The following ZHX3 variants were observed in gnomAD, a reference collection of about 807,000 sequenced individuals.
ZHX3 encodes zinc fingers and homeoboxes protein 3.
Under a neutral mutation model 64.5 loss-of-function variants are expected in ZHX3, and 20 were observed. That is an observed-to-expected ratio of 0.31 (90% CI 0.22 to 0.45). ZHX3 has a LOEUF of 0.45. Ranked by LOEUF, ZHX3 falls within the 20% of genes least tolerant of loss-of-function variation. The probability of loss-of-function intolerance (pLI) is 1.00; values close to 1 mark genes in which losing one functional copy is unlikely to be tolerated. For synonymous variants in ZHX3, 423 were observed against 461.6 expected (o/e 0.92, Z 1.07); for missense variants, 1,041 against 1,195.8 (o/e 0.87, Z 1.91).
intron 1 of ZHX3, among the ~76,000 whole-genome samples, chr20:41,316,335 T>A (rs1472612255): frequency 2.0e-5 from 3 of 152,196 alleles, no homozygotes; most frequent in Non-Finnish European, 2.9e-5. Context: ...CAAATTAAGC[T>A]CGAATAAGTT....
At chr20:41,296,023 GATA>G (rs1237103973) in intron 1 of ZHX3, among the ~76,000 whole-genome samples, 6 of 152,034 alleles carry the variant, frequency 3.9e-5, no homozygotes, top group Admixed American at 1.3e-4. Flanking sequence ...AAAAAGTAAA[GATA>G]ATGAGATTCA....
chr20:41,221,054 C>T (rs910881638), intron 2 of ZHX3, among the ~76,000 whole-genome samples: 1 of 152,148 alleles, frequency 6.6e-6, no homozygotes, highest in Admixed American at 6.6e-5. Flanking sequence ...TAAAAGTCTT[C>T]TTTTCCCCTA....
intron 1 of ZHX3, among the ~76,000 whole-genome samples, chr20:41,304,075 T>C (rs1413225766): frequency 6.6e-6 from 1 of 152,186 alleles, no homozygotes; most frequent in Non-Finnish European, 1.5e-5. Context: ...CCCACCTTCT[T>C]GAAATTATCC....
intron 1 of ZHX3, among the ~76,000 whole-genome samples, chr20:41,276,503 G>C (rs891192165): frequency 1.3e-5 from 2 of 152,202 alleles, no homozygotes; most frequent in Admixed American, 1.3e-4. Flanking sequence ...CAATGTGGTA[G>C]TAGCTCTCTG....
intron 3 of ZHX3, among the ~76,000 whole-genome samples, chr20:41,192,259 C>T (rs1257774239): frequency 1.3e-5 from 2 of 152,154 alleles, no homozygotes; most frequent in African/African-American, 4.8e-5. Flanking sequence ...TGGTGGTGGA[C>T]TAGGCTGGAC....
At chr20:41,316,856 A>T (rs2045302587) in intron 1 of ZHX3, 1 of 152,064 alleles carries the variant, frequency 6.6e-6, no homozygotes. Context: ...TCCAAACTCC[A>T]CTCACACGCC....
intron 2 of ZHX3, among the ~76,000 whole-genome samples, chr20:41,233,165 A>G (rs2040739166): frequency 6.6e-6 from 1 of 152,224 alleles, no homozygotes; most frequent in Admixed American, 6.5e-5. Context: ...ATGACCATGC[A>G]ATGCTGAGAC....
Position 41,253,372 on chromosome 20 carries a change from A to T in ZHX3, c.-151+15618T>A, listed in dbSNP as rs186111406. Among the ~76,000 whole-genome samples, 255 of 152,304 alleles carry T rather than the reference A, an allele frequency of 1.7e-3. 1 individual carries two copies. Among genetic ancestry groups the T allele is most frequent in the African/African-American group, 5.8e-3 (240 of 41,550 alleles). On this transcript the variant is annotated intron_variant, in intron 2 of 3. Transcript: ENST00000683867. The stretch of plus-strand genomic sequence containing the variant: ...GTATATCTTTTGTGAGGACTGAATA[A>T]TGTATCACTTATAAAAGTTCCAGGT...
intron 1 of ZHX3, among the ~76,000 whole-genome samples, chr20:41,275,714 A>T (rs2043348037): frequency 6.6e-6 from 1 of 152,178 alleles, no homozygotes; most frequent in Admixed American, 6.5e-5. Context: ...GATGGAGAGG[A>T]CTTCCTATTC....
Position 41,185,520 on chromosome 20 carries a change from C to T in ZHX3, c.2861-319G>A, listed in dbSNP as rs548936046. The T allele has an allele frequency of 7.9e-6, 4 of 507,260 alleles. No homozygotes were observed. The highest frequency in any genetic ancestry group is 7.6e-5 in the African/African-American group (4 of 52,452). The allele number at this position is 507,260 out of a possible 1,614,324, so 31.4% of individuals were successfully genotyped here. On this transcript the variant is annotated intron_variant, in intron 3 of 3. Transcript: ENST00000683867. This position sits in a 1 kb window ranked among gnomAD's most constrained non-coding sequence, Gnocchi z 5.0. ...CCCCTAGCTCCCCAGGCTTCCGCCA[C>T]CACCGTCTCTGGAGTCCTGTCCTAA...
At chr20:41,294,955 C>T (rs1251851068) in intron 1 of ZHX3, among the ~76,000 whole-genome samples, 1 of 152,214 alleles carries the variant, frequency 6.6e-6, no homozygotes, top group Non-Finnish European at 1.5e-5. Context: ...CCTCGGCCTC[C>T]CAAAGCGCTG....
intron 1 of ZHX3, among the ~76,000 whole-genome samples, chr20:41,313,699 G>A (rs1268054156): frequency 3.5e-5 from 5 of 143,280 alleles, no homozygotes; most frequent in African/African-American, 5.2e-5. Flanking sequence ...CTGGGTTCAC[G>A]CCATTCTCCT....
chr20:41,266,089 T>C (rs982216674), intron 2 of ZHX3, among the ~76,000 whole-genome samples: 2 of 152,216 alleles, frequency 1.3e-5, no homozygotes, highest in African/African-American at 4.8e-5. Flanking sequence ...CATACCTGTA[T>C]GAGGTCATAT....
chr20:41,263,497 C>CA (rs1194019739), intron 2 of ZHX3, among the ~76,000 whole-genome samples: 2 of 151,214 alleles, frequency 1.3e-5, no homozygotes, highest in Non-Finnish European at 2.9e-5. Flanking sequence ...CGGGTTCAAG[C>CA]AATTCTCCTG....
At position 41,188,075 on chromosome 20, in the gene ZHX3, T is replaced by C. The variant is rs57932195; in HGVS notation, c.2861-2874A>G. 4.4e-3 allele frequency among the ~76,000 whole-genome samples: 669 copies of C among 152,306 alleles called. 8 individuals are homozygous for C. Among genetic ancestry groups the C allele is most frequent in the East Asian group, 0.023 (117 of 5,182 alleles). On this transcript the variant is annotated intron_variant, in intron 3 of 3. Transcript: ENST00000683867. ...ACCTCTTTTCATTTCCCCCTTCTAC[T>C]CTCACACCCTTCCCAACCTGTGCTA...
At chr20:41,249,601 G>A (rs1268392627) in intron 2 of ZHX3, among the ~76,000 whole-genome samples, 1 of 152,164 alleles carries the variant, frequency 6.6e-6, no homozygotes, top group Non-Finnish European at 1.5e-5. Context: ...AGGTCGTTGG[G>A]AGGCCTCCTT....
intron 2 of ZHX3, among the ~76,000 whole-genome samples, chr20:41,229,410 A>G (rs2040461658): frequency 6.6e-6 from 1 of 152,158 alleles, no homozygotes; most frequent in African/African-American, 2.4e-5. Context: ...TCTTCTGGGT[A>G]ACTACCCAGA....
chr20:41,202,759 G>A lies in ZHX3; in HGVS notation c.2158C>T (p.Arg720Cys), dbSNP rs745922794. Residue 720 changes from arginine (R) to cysteine (C), a missense_variant, in exon 3 of 4, where the codon CGC becomes TGC. Transcript: ENST00000683867. The surrounding 1 kb of genome is among the most constrained non-coding windows in gnomAD (Gnocchi z 7.0). The part of the protein sequence containing the change: ...EMPSSHILAE[R>C]KVSPIKINLK... Reference sequence around the variant, plus strand: ...TTGATTTTAATGGGGCTGACTTTGCGCTCTGCCAAGATATGGCTGCTGGGC... The same window carrying A: ...TTGATTTTAATGGGGCTGACTTTGCACTCTGCCAAGATATGGCTGCTGGGC... The A allele has an allele frequency of 2.9e-5, 47 of 1,613,896 alleles. No homozygotes were observed. The highest frequency in any genetic ancestry group is 2.5e-4 in the Admixed American group (15 of 59,990).
intron 1 of ZHX3, among the ~76,000 whole-genome samples, chr20:41,299,272 T>C (rs1404898745): frequency 6.6e-6 from 1 of 152,182 alleles, no homozygotes; most frequent in African/African-American, 2.4e-5. Context: ...TTCTTAAAGA[T>C]AAATTAATCA....
Sources: gnomAD v4.1 joint callset for allele counts (sites outside exome capture counted in the v4.1 genomes callset) on GRCh38, gnomAD v4.1.1 for gene constraint, Gnocchi (gnomAD v3.1) non-coding constraint, MANE v1.5 for transcripts, NCBI Gene and HGNC (gene_info 2026-07-23, HGNC 2026-07-21) for gene names.